The following SH3BGRL2 variants were observed in gnomAD, a reference collection of about 807,000 sequenced individuals.
The protein encoded by SH3BGRL2 is SH3 domain-binding glutamic acid-rich-like protein 2.
SH3BGRL2 carries 21 observed loss-of-function variants against 14.8 expected under a neutral mutation model. The observed-to-expected ratio is 1.42, with a 90% CI of 1.01 to 2.05. SH3BGRL2 has a LOEUF of 2.05. SH3BGRL2 is among the 30% of genes most tolerant of loss of function. SH3BGRL2 has a pLI of 0.00. For missense variants in SH3BGRL2, 147 were observed against 130.8 expected, an observed-to-expected ratio of 1.12 and a Z score of -0.61; for synonymous variants, 50 against 47.8, an observed-to-expected ratio of 1.05 and a Z score of -0.19.
chr6:79,683,156 C>T (rs1232264191), intron 2 of SH3BGRL2, among the ~76,000 whole-genome samples: 1 of 152,054 alleles, frequency 6.6e-6, no homozygotes, highest in Non-Finnish European at 1.5e-5. Flanking sequence ...ATGTATCAAA[C>T]CTGCACGTTG....
the SH3BGRL2 span, among the ~76,000 whole-genome samples, chr6:79,592,685 T>G: frequency 2.0e-5 from 3 of 152,164 alleles, no homozygotes; most frequent in Non-Finnish European, 4.4e-5. Context: ...GCTGGAGAAG[T>G]CGGCAGGACC....
chr6:79,696,611 G>A, intron 3 of SH3BGRL2, 46 bp downstream of exon 3: 1 of 1,395,990 alleles, frequency 7.2e-7, no homozygotes, highest in East Asian at 2.4e-5. Flanking sequence ...CATCTCTTTT[G>A]AATTTTTCTT....
chr6:79,551,599 G>A, the SH3BGRL2 span, among the ~76,000 whole-genome samples: 3 of 152,158 alleles, frequency 2.0e-5, no homozygotes, highest in African/African-American at 7.2e-5. Context: ...CATTGAAGGA[G>A]GAGGGGTTGG....
the SH3BGRL2 span, among the ~76,000 whole-genome samples, chr6:79,588,924 G>T: frequency 2.2e-3 from 333 of 152,188 alleles, no homozygotes; most frequent in Non-Finnish European, 3.2e-3. Flanking sequence ...AAATGTTTGA[G>T]AATTTAAAAA....
the SH3BGRL2 span, among the ~76,000 whole-genome samples, chr6:79,547,180 CCAGACTGTCCACAGT>C: frequency 6.6e-6 from 1 of 151,996 alleles, no homozygotes; most frequent in African/African-American, 2.4e-5. Context: ...AGGATAAGAA[CCAGACTGTCCACAGT>C]CTGGTTCTCT....
At chr6:79,573,816 T>C in the SH3BGRL2 span, 1 of 152,236 alleles carries the variant, frequency 6.6e-6, no homozygotes, top group Non-Finnish European at 1.5e-5. Context: ...TTGCTGAATG[T>C]ATTACTATGT....
chr6:79,550,772 A>T, the SH3BGRL2 span, among the ~76,000 whole-genome samples: 44 of 152,150 alleles, frequency 2.9e-4, no homozygotes, highest in African/African-American at 1.0e-3. Flanking sequence ...TGGTGGCCGA[A>T]CTATTAGTGT....
rs923908391 is a variant in SH3BGRL2 at position 79,703,388 on chromosome 6, G to A, written c.*3879G>A. ...TTTAAAAAATTTCATACATGCAATG[G>A]AATATAGATATGTATATACACATAT... On this transcript the variant is annotated 3_prime_UTR_variant, in exon 4 of 4. Coordinates refer to ENST00000369838, the MANE Select transcript of SH3BGRL2 (RefSeq NM_031469.4). 5.1e-4 allele frequency: 78 copies of A among 152,024 alleles called. No individual in the cohort carries two copies. The highest frequency in any genetic ancestry group is 1.8e-3 in the African/African-American group (75 of 41,384). The allele number at this position is 152,024 out of a possible 1,614,324, so 9.4% of individuals were successfully genotyped here.
the SH3BGRL2 span, among the ~76,000 whole-genome samples, chr6:79,616,990 C>G: frequency 6.6e-6 from 1 of 152,024 alleles, no homozygotes; most frequent in Admixed American, 6.6e-5. Flanking sequence ...GAGTTTGAGA[C>G]CAGCCACCAG....
chr6:79,696,390 AT>A, intron 2 of SH3BGRL2, 94 bp from the exon 3 acceptor site: 1 of 915,044 alleles, frequency 1.1e-6, no homozygotes, highest in Non-Finnish European at 1.7e-6. Flanking sequence ...GCAATGGTAC[AT>A]TTTTTACTTC....
intron 2 of SH3BGRL2, among the ~76,000 whole-genome samples, chr6:79,693,971 T>A (rs1487195942): frequency 6.6e-6 from 1 of 152,130 alleles, no homozygotes; most frequent in Admixed American, 6.5e-5. Flanking sequence ...GATGTGTTGA[T>A]TTTGGAGTTA....
chr6:79,690,621 G>T (rs1562159107), intron 2 of SH3BGRL2, among the ~76,000 whole-genome samples: 1 of 152,182 alleles, frequency 6.6e-6, no homozygotes, highest in African/African-American at 2.4e-5. Context: ...AAGGTTAAAG[G>T]AGTTGATCAA....
intron 1 of SH3BGRL2, among the ~76,000 whole-genome samples, chr6:79,665,392 A>G (rs1038297605): frequency 6.6e-6 from 1 of 152,170 alleles, no homozygotes; most frequent in African/African-American, 2.4e-5. Flanking sequence ...TCCTTCCCCA[A>G]AACATTTGTT....
the SH3BGRL2 span, among the ~76,000 whole-genome samples, chr6:79,590,424 G>GAGATATATAGATATATATATATATAT: frequency 1.5e-5 from 1 of 66,666 alleles, no homozygotes; most frequent in African/African-American, 7.1e-5. Flanking sequence ...AAGAAAATGT[G>GAGATATATAGATATATATATATATAT]ATATATATAT....
chr6:79,637,547 G>T (rs1298939101), intron 1 of SH3BGRL2, among the ~76,000 whole-genome samples: 1 of 151,982 alleles, frequency 6.6e-6, no homozygotes, highest in East Asian at 1.9e-4. Context: ...ACAAAAATTA[G>T]CCTGGTATGG....
the SH3BGRL2 span, among the ~76,000 whole-genome samples, chr6:79,624,020 G>A: frequency 6.6e-6 from 1 of 152,074 alleles, no homozygotes; most frequent in East Asian, 1.9e-4. Flanking sequence ...TATTTATGAG[G>A]AATCAAAATA....
chr6:79,696,329 C>T (rs1361022162), intron 2 of SH3BGRL2, among the ~76,000 whole-genome samples, 156 bp from the exon 3 acceptor site: 1 of 152,182 alleles, frequency 6.6e-6, no homozygotes, highest in African/African-American at 2.4e-5. Flanking sequence ...TTTTTACGTG[C>T]AAGCAGACTA....
the SH3BGRL2 span, among the ~76,000 whole-genome samples, chr6:79,576,289 C>A: frequency 6.6e-6 from 1 of 152,128 alleles, no homozygotes; most frequent in African/African-American, 2.4e-5. Flanking sequence ...CACTGTGTTT[C>A]TCTGTGTTCA....
chr6:79,673,240 A>G lies in SH3BGRL2; in HGVS notation c.46-374A>G, dbSNP rs575287700. ...TAGTCCATTCTTTCCAAGCTACCTG[A>G]ATTGTGCTCCAGAGTTCTGGGGAGT... On this transcript the variant is annotated intron_variant, in intron 1 of 3. Transcript: ENST00000369838. 4.6e-5 allele frequency among the ~76,000 whole-genome samples: 7 copies of G among 152,042 alleles called. 1 individual carries two copies. In the South Asian group the frequency reaches 1.3e-3, roughly 27 times the overall value.
Sources: allele counts gnomAD v4.1 joint callset (sites outside exome capture counted in the v4.1 genomes callset), GRCh38; gene constraint gnomAD v4.1.1; transcripts MANE v1.5; gene names NCBI Gene and HGNC (gene_info 2026-07-23, HGNC 2026-07-21).